The following RELN variants were observed in gnomAD, a reference collection of about 807,000 sequenced individuals.
The protein encoded by RELN is reelin.
RELN carries 108 observed loss-of-function variants against 427.6 expected under a neutral mutation model. The observed-to-expected ratio is 0.25, with a 90% CI of 0.22 to 0.30. RELN has a LOEUF of 0.30. Ranked by LOEUF, RELN falls within the 10% of genes least tolerant of loss-of-function variation. The pLI is 1.00. For synonymous variants in RELN, 1,524 were observed against 1,513.4 expected (o/e 1.01, Z -0.16); for missense variants, 3,715 against 4,302.8 (o/e 0.86, Z 3.82).
At position 103,697,925 on chromosome 7, in the gene RELN, T is replaced by C. The variant is rs772698026; in HGVS notation, c.1071A>G (p.Gln357=). 4 of 1,613,666 alleles carry C rather than the reference T, an allele frequency of 2.5e-6. No individual in the cohort carries two copies. The highest frequency in any genetic ancestry group is 3.4e-6 in the Non-Finnish European group (4 of 1,179,838). ...GGTCGAGACTATCTTCTAAAACGACTTGTCTGTGAGCTGAATTGATGATCA... is the reference window on the plus strand; with the variant it reads ...GGTCGAGACTATCTTCTAAAACGACCTGTCTGTGAGCTGAATTGATGATCA... The part of the protein sequence containing the change: ...NILIINSAHR[Q]VVLEDSLDPV... Residue 357 remains glutamine, a synonymous_variant, in exon 10 of 65, where the codon CAA becomes CAG. Transcript: ENST00000428762.
At chr7:103,646,539 T>C (rs1832801138) in intron 16 of RELN, among the ~76,000 whole-genome samples, 1 of 151,942 alleles carries the variant, frequency 6.6e-6, no homozygotes, top group African/African-American at 2.4e-5. Flanking sequence ...GATGCATTCC[T>C]GGAAACATAC....
intron 31 of RELN, among the ~76,000 whole-genome samples, chr7:103,567,062 T>G (rs1422228824): frequency 1.3e-5 from 2 of 152,200 alleles, no homozygotes; most frequent in Non-Finnish European, 2.9e-5. Context: ...CGTATTTGAA[T>G]TTTAGATTCT....
intron 11 of RELN, among the ~76,000 whole-genome samples, chr7:103,662,067 C>T (rs1169241352): frequency 6.6e-6 from 1 of 152,152 alleles, no homozygotes; most frequent in Non-Finnish European, 1.5e-5. Flanking sequence ...AAATAGCTGG[C>T]TTTTATTGAG....
At chr7:103,964,814 G>A (rs1427740091) in intron 1 of RELN, among the ~76,000 whole-genome samples, 6 of 152,208 alleles carry the variant, frequency 3.9e-5, no homozygotes. Flanking sequence ...ACTGTTGAGT[G>A]AGACCACTTT....
intron 1 of RELN, among the ~76,000 whole-genome samples, chr7:103,934,747 T>C (rs1795942739): frequency 6.6e-6 from 1 of 152,232 alleles, no homozygotes; most frequent in South Asian, 2.1e-4. Flanking sequence ...TCAGAATGGC[T>C]GGCAGCAGCA....
intron 2 of RELN, among the ~76,000 whole-genome samples, chr7:103,904,841 T>C (rs575777059): frequency 6.6e-6 from 1 of 152,158 alleles, no homozygotes; most frequent in Non-Finnish European, 1.5e-5. Context: ...CAAGAAACTG[T>C]AGACTTATCA....
At chr7:103,926,087 C>T (rs1330448288) in intron 1 of RELN, among the ~76,000 whole-genome samples, 1 of 146,604 alleles carries the variant, frequency 6.8e-6, no homozygotes, top group Non-Finnish European at 1.5e-5. Context: ...AAATATATGA[C>T]CCCCACCCCG....
chr7:103,523,115 C>T (rs1294893802), intron 47 of RELN, among the ~76,000 whole-genome samples: 1 of 152,130 alleles, frequency 6.6e-6, no homozygotes. Flanking sequence ...ATTTTCAAGG[C>T]TCGAGTGTAT....
chr7:103,904,010 C>T (rs1795139819), intron 2 of RELN, among the ~76,000 whole-genome samples: 1 of 152,054 alleles, frequency 6.6e-6, no homozygotes. Flanking sequence ...CCTTCACTCC[C>T]CACCCCCGAC....
At chr7:103,798,684 C>T (rs1227528246) in intron 3 of RELN, among the ~76,000 whole-genome samples, 1 of 152,212 alleles carries the variant, frequency 6.6e-6, no homozygotes, top group African/African-American at 2.4e-5. Flanking sequence ...ATCTCTAGGG[C>T]ATTGCTTTGC....
intron 4 of RELN, among the ~76,000 whole-genome samples, chr7:103,757,037 A>C (rs1791176177): frequency 6.6e-6 from 1 of 152,178 alleles, no homozygotes; most frequent in African/African-American, 2.4e-5. Flanking sequence ...TCTTTTCCAC[A>C]TTTACTGAGG....
chr7:103,821,894 C>T (rs919755789), intron 3 of RELN, among the ~76,000 whole-genome samples: 1 of 152,078 alleles, frequency 6.6e-6, no homozygotes, highest in African/African-American at 2.4e-5. Context: ...TATTCATAAT[C>T]CCTTCTATAA....
rs1830682614 is a variant in RELN at position 103,563,465 on chromosome 7, C to G, written c.5211-1512G>C. ...ACGATAGAAAGAAAACATTTTTGTA[C>G]AGCTGTACAATGTGCTTGTGTTTTA... On this transcript the variant is annotated intron_variant, in intron 34 of 64. Transcript: ENST00000428762. The surrounding 1 kb of genome is among the most constrained non-coding windows in gnomAD (Gnocchi z 4.1). 6.6e-6 allele frequency among the ~76,000 whole-genome samples: 1 copy of G among 152,132 alleles called. No individual in the cohort carries two copies. The highest frequency in any genetic ancestry group is 6.5e-5 in the Admixed American group (1 of 15,270).
At chr7:103,924,991 TAC>T (rs57662220) in intron 1 of RELN, among the ~76,000 whole-genome samples, 1,989 of 48,994 alleles carry the variant, frequency 0.041, 27 homozygotes, top group East Asian at 0.099. Context: ...CGCATACACA[TAC>T]ACACACACAC....
At chr7:103,485,814 C>CTT (rs1828419307) in intron 61 of RELN, among the ~76,000 whole-genome samples, 1 of 152,196 alleles carries the variant, frequency 6.6e-6, no homozygotes, top group African/African-American at 2.4e-5. Flanking sequence ...TAAATATAGG[C>CTT]ATATGTTTGC....
At chr7:103,511,718 A>G (rs1054458810) in intron 50 of RELN, among the ~76,000 whole-genome samples, 2 of 151,880 alleles carry the variant, frequency 1.3e-5, no homozygotes, top group Admixed American at 1.3e-4. Flanking sequence ...AATTAGCTGG[A>G]GTGGTGGTGC....
intron 50 of RELN, among the ~76,000 whole-genome samples, chr7:103,512,321 C>A (rs77028795): frequency 0.011 from 1,673 of 152,068 alleles, 33 homozygotes; most frequent in African/African-American, 0.038. Flanking sequence ...AAAATAAAAT[C>A]TTATTAAATA....
chr7:103,762,070 C>G (rs368211519), intron 4 of RELN, among the ~76,000 whole-genome samples: 1 of 152,116 alleles, frequency 6.6e-6, no homozygotes, highest in Admixed American at 6.5e-5. Flanking sequence ...TTTCTCAGCG[C>G]CCCCCTATAG....
intron 44 of RELN, 45 bp from the exon 45 acceptor site, chr7:103,539,372 A>T: frequency 6.3e-7 from 1 of 1,587,318 alleles, no homozygotes; most frequent in Non-Finnish European, 8.6e-7. Flanking sequence ...ATTTAGTTTT[A>T]AGAAATGGAA....
Sources: gnomAD v4.1 joint callset for allele counts (sites outside exome capture counted in the v4.1 genomes callset) on GRCh38, gnomAD v4.1.1 for gene constraint, Gnocchi (gnomAD v3.1) non-coding constraint, MANE v1.5 for transcripts, NCBI Gene and HGNC (gene_info 2026-07-23, HGNC 2026-07-21) for gene names.